ZNF487: variants seen among roughly 807,000 people sequenced by gnomAD.
ZNF487 encodes zinc finger protein 487, also known as KRAB domain only 1.
In ZNF487, 4 loss-of-function variants were observed where a neutral mutation model predicts 3.0. The ratio of observed to expected loss-of-function variants is 1.35; its 90% CI spans 0.66 to 3.08. ZNF487 has a LOEUF of 3.08. Among genes scored for constraint, ZNF487 ranks in the 30% most tolerant of loss-of-function variants. The pLI, the probability that ZNF487 is intolerant of heterozygous loss-of-function variation, is 0.01. For synonymous variants in ZNF487, 55 were observed against 34.6 expected, an observed-to-expected ratio of 1.59 and a Z score of -2.06; for missense variants, 146 against 98.7, an observed-to-expected ratio of 1.48 and a Z score of -2.03.
At chr10:43,458,665 T>G (rs1840308986) in intron 1 of ZNF487, among the ~76,000 whole-genome samples, 2 of 152,140 alleles carry the variant, frequency 1.3e-5, no homozygotes, top group African/African-American at 4.8e-5. Context: ...TTTTCCGGTC[T>G]TCCTGTAGAT....
At chr10:43,520,523 C>T in the ZNF487 span, among the ~76,000 whole-genome samples, 3 of 152,084 alleles carry the variant, frequency 2.0e-5, no homozygotes, top group Non-Finnish European at 2.9e-5. Context: ...TAAAAGAAAT[C>T]GGAGATAGAG....
At chr10:43,470,716 G>T (rs1840877542) in intron 1 of ZNF487, among the ~76,000 whole-genome samples, 1 of 150,116 alleles carries the variant, frequency 6.7e-6, no homozygotes, top group Admixed American at 6.6e-5. Flanking sequence ...GATGGGATTT[G>T]CCATGTTGCC....
At chr10:43,444,338 T>C (rs962576900) in intron 1 of ZNF487, among the ~76,000 whole-genome samples, 6 of 152,110 alleles carry the variant, frequency 3.9e-5, no homozygotes, top group Admixed American at 3.3e-4. Context: ...GTTCTTTGAG[T>C]TCCAAGATCC....
At chr10:43,465,196 C>T (rs1165221953) in intron 1 of ZNF487, among the ~76,000 whole-genome samples, 1 of 146,870 alleles carries the variant, frequency 6.8e-6, no homozygotes, top group Non-Finnish European at 1.5e-5. Flanking sequence ...GGGGGCTGAC[C>T]CCCCCACCTC....
the ZNF487 span, among the ~76,000 whole-genome samples, chr10:43,509,490 G>T: frequency 6.7e-5 from 9 of 134,568 alleles, no homozygotes; most frequent in Non-Finnish European, 1.2e-4. Context: ...TATCATGGGA[G>T]TTTATTAAGG....
chr10:43,519,823 A>G, the ZNF487 span, among the ~76,000 whole-genome samples: 2 of 151,926 alleles, frequency 1.3e-5, no homozygotes, highest in Non-Finnish European at 2.9e-5. Flanking sequence ...GACCAAATTT[A>G]TTTTTCTCTG....
chr10:43,447,501 C>T (rs1744118012), intron 1 of ZNF487, among the ~76,000 whole-genome samples: 1 of 152,118 alleles, frequency 6.6e-6, no homozygotes, highest in Non-Finnish European at 1.5e-5. Flanking sequence ...CTCGGGCTCC[C>T]AAAGTGCTGG....
rs867056658 is a variant in ZNF487, at chr10:43,464,904, G to A, written c.-93-10817G>A. 1.2e-3 allele frequency among the ~76,000 whole-genome samples: 190 copies of A among 152,262 alleles called. 1 individual carries two copies. Among genetic ancestry groups the A allele is most frequent in the African/African-American group, 4.5e-3 (185 of 41,562 alleles). Reference sequence around the variant, plus strand: ...GTTGGGTACACCTCCCAGACGGGGTGGTGGCCGGGCAGAGGGGCTCCTCAC... The same window carrying A: ...GTTGGGTACACCTCCCAGACGGGGTAGTGGCCGGGCAGAGGGGCTCCTCAC... On this transcript the variant is annotated intron_variant, in intron 1 of 3. Transcript: ENST00000437590.
At chr10:43,460,409 G>A (rs1034952866) in intron 1 of ZNF487, among the ~76,000 whole-genome samples, 2 of 123,110 alleles carry the variant, frequency 1.6e-5, no homozygotes, top group African/African-American at 6.4e-5. Context: ...TTGAGACCAA[G>A]TTGTCGCCCA....
chr10:43,445,535 G>A (rs908828715), intron 1 of ZNF487, among the ~76,000 whole-genome samples: 1 of 151,966 alleles, frequency 6.6e-6, no homozygotes, highest in Non-Finnish European at 1.5e-5. Context: ...GGATTATTAG[G>A]CAGGTCCAGG....
the ZNF487 span, among the ~76,000 whole-genome samples, chr10:43,513,478 G>C: frequency 1.3e-5 from 2 of 152,212 alleles, no homozygotes; most frequent in African/African-American, 4.8e-5. Flanking sequence ...CAGGCTAAAT[G>C]GGAGAGCTGA....
downstream of ZNF487, among the ~76,000 whole-genome samples, chr10:43,486,689 T>C (rs980863518): frequency 4.6e-5 from 7 of 152,112 alleles, no homozygotes; most frequent in Non-Finnish European, 7.4e-5. Context: ...CAATGGTAAA[T>C]AGCAAAATTA....
intron 1 of ZNF487, among the ~76,000 whole-genome samples, chr10:43,459,861 G>A (rs1351612401): frequency 6.6e-6 from 1 of 150,904 alleles, no homozygotes; most frequent in Non-Finnish European, 1.5e-5. Context: ...GAGTGCAGTG[G>A]CTCAATCTCA....
the ZNF487 span, among the ~76,000 whole-genome samples, chr10:43,489,382 C>T: frequency 6.6e-6 from 1 of 152,122 alleles, no homozygotes; most frequent in Admixed American, 6.6e-5. Context: ...GAGATGGAGT[C>T]TCGCTCTGTC....
At chr10:43,487,927 TACAAAAA>T (rs1841483965), downstream of ZNF487, among the ~76,000 whole-genome samples, 1 of 8,778 alleles carries the variant, frequency 1.1e-4, no homozygotes, top group South Asian at 3.0e-3. Flanking sequence ...TCTACCAAAA[TACAAAAA>T]AAAAAAAAAA....
the ZNF487 span, among the ~76,000 whole-genome samples, chr10:43,492,964 C>T: frequency 6.6e-6 from 1 of 152,118 alleles, no homozygotes; most frequent in South Asian, 2.1e-4. Flanking sequence ...GGCGTGGTGG[C>T]TCATGCCTGT....
chr10:43,462,457 A>T (rs1422807669), intron 1 of ZNF487, among the ~76,000 whole-genome samples: 11 of 129,154 alleles, frequency 8.5e-5, no homozygotes, highest in Admixed American at 3.3e-4. Flanking sequence ...TGTAGACAAC[A>T]TTTTTTTTTT....
intron 1 of ZNF487, among the ~76,000 whole-genome samples, chr10:43,445,586 G>T (rs1410325365): frequency 1.3e-5 from 2 of 150,866 alleles, no homozygotes; most frequent in African/African-American, 4.9e-5. Flanking sequence ...CACTGCTAAG[G>T]CTAGATCTTC....
intron 3 of ZNF487, among the ~76,000 whole-genome samples, chr10:43,476,583 C>T (rs1841108626): frequency 6.6e-6 from 1 of 152,100 alleles, no homozygotes. Context: ...AGAGATATAG[C>T]TCTAACACCA....
Sources: gnomAD v4.1 joint callset for allele counts (sites outside exome capture counted in the v4.1 genomes callset) on GRCh38, gnomAD v4.1.1 for gene constraint, MANE v1.5 for transcripts, NCBI Gene and HGNC (gene_info 2026-07-23, HGNC 2026-07-21) for gene names.